Variants in PCDHA1 observed in about 807,000 individuals in gnomAD.
PCDHA1 encodes the protein protocadherin alpha-1.
Under a neutral mutation model 61.3 loss-of-function variants are expected in PCDHA1, and 42 were observed. The ratio of observed to expected loss-of-function variants is 0.69; its 90% CI spans 0.54 to 0.89. The LOEUF is 0.89. Ranked by LOEUF, PCDHA1 falls within the 40% of genes least tolerant of loss-of-function variation. PCDHA1 has a pLI of 0.00. For synonymous variants in PCDHA1, 610 were observed against 553.8 expected, an observed-to-expected ratio of 1.10 and a Z score of -1.43; for missense variants, 1,256 against 1,235.3, an observed-to-expected ratio of 1.02 and a Z score of -0.25.
chr5:140,895,647 C>T (rs954657912), intron 1 of PCDHA1, among the ~76,000 whole-genome samples: 1 of 151,996 alleles, frequency 6.6e-6, no homozygotes, highest in African/African-American at 2.4e-5. Context: ...TTTTTAGCTC[C>T]CACTTATAAG....
intron 1 of PCDHA1, among the ~76,000 whole-genome samples, chr5:140,917,553 T>C (rs1220066857): frequency 6.6e-6 from 1 of 152,258 alleles, no homozygotes; most frequent in African/African-American, 2.4e-5. Context: ...TACATTTAAC[T>C]CTTTAATCCA....
intron 1 of PCDHA1, among the ~76,000 whole-genome samples, chr5:140,935,292 G>A (rs782760921): frequency 3.0e-4 from 46 of 152,068 alleles, no homozygotes; most frequent in Non-Finnish European, 3.8e-4. Context: ...TCAGCACTCC[G>A]AGGTTTTTAC....
rs941007574 is a variant in PCDHA1, at chr5:141,010,090, C to T, written c.*153C>T. 1.9e-6 allele frequency: 3 copies of T among 1,612,518 alleles called. No individual in the cohort carries two copies. Among genetic ancestry groups the T allele is most frequent in the Non-Finnish European group, 2.5e-6 (3 of 1,179,284 alleles). ...AAGTTCCCTGTGTCTGTCTAGAACG[C>T]ATTTAACAGGTTTTGTCGTAAAAGC... is the stretch of plus-strand genomic sequence containing the variant. On this transcript the variant is annotated 3_prime_UTR_variant, in exon 4 of 4. Coordinates refer to ENST00000504120, the MANE Select transcript of PCDHA1 (RefSeq NM_018900.4).
chr5:141,000,412 TATATATATA>T (rs1297219533), intron 3 of PCDHA1, among the ~76,000 whole-genome samples: 3 of 102,772 alleles, frequency 2.9e-5, no homozygotes, highest in Admixed American at 1.2e-4. Flanking sequence ...TATATATATA[TATATATATA>T]TTTTTTTTTT....
intron 1 of PCDHA1, chr5:140,858,285 G>A (rs782182754): frequency 1.3e-6 from 2 of 1,597,520 alleles, no homozygotes; most frequent in Non-Finnish European, 8.6e-7. Flanking sequence ...GTGGGGAGCT[G>A]GTCTTACTCG....
intron 1 of PCDHA1, chr5:140,876,689 C>T: frequency 1.2e-6 from 2 of 1,614,228 alleles, no homozygotes; most frequent in Middle Eastern, 1.6e-4. Context: ...AATTACTACT[C>T]GTTGGTGCTG....
chr5:140,950,581 C>T (rs1158445917), intron 1 of PCDHA1, among the ~76,000 whole-genome samples: 2 of 151,860 alleles, frequency 1.3e-5, no homozygotes, highest in Non-Finnish European at 2.9e-5. Flanking sequence ...TTCTACTTAC[C>T]TTTGGTTTAG....
At chr5:140,884,006 C>A in intron 1 of PCDHA1, 1 of 1,613,022 alleles carries the variant, frequency 6.2e-7, no homozygotes, top group Non-Finnish European at 8.5e-7. Context: ...AGTGAGCGAG[C>A]TGATGCCGCG....
At chr5:140,835,933 T>C (rs1774056119) in intron 1 of PCDHA1, 1 of 1,612,410 alleles carries the variant, frequency 6.2e-7, no homozygotes, top group Non-Finnish European at 8.5e-7. Context: ...AGCGGCAAGG[T>C]GTACGCGCTG....
At position 140,822,901 on chromosome 5, in the gene PCDHA1, C is replaced by A. The variant is rs2150120199; in HGVS notation, c.2394+34217C>A. 3.1e-6 allele frequency: 5 copies of A among 1,614,234 alleles called. No homozygotes were observed. In the South Asian group the frequency reaches 3.3e-5, roughly 11 times the overall value. ...CATTGCTCTGATCAGCGTGTCTGAC[C>A]GTGACTCAGGTGCCAACGGGCAGGT... is the stretch of plus-strand genomic sequence containing the variant. On this transcript the variant is annotated intron_variant, in intron 1 of 3. Coordinates refer to ENST00000504120, the MANE Select transcript of PCDHA1 (RefSeq NM_018900.4).
intron 1 of PCDHA1, chr5:140,858,664 AATTT>A: frequency 1.4e-6 from 1 of 728,728 alleles, no homozygotes; most frequent in Non-Finnish European, 2.2e-6. Flanking sequence ...TTTAAATAAC[AATTT>A]ATTCTGAATA....
chr5:140,826,566 G>T (rs1423403318), intron 1 of PCDHA1, among the ~76,000 whole-genome samples: 4 of 152,130 alleles, frequency 2.6e-5, no homozygotes, highest in African/African-American at 9.7e-5. Flanking sequence ...TGAAGGAGGG[G>T]TTTAATCACT....
Position 140,787,004 on chromosome 5 carries a change from C to T in PCDHA1, c.714C>T (p.Asn238=), listed in dbSNP as rs782103349. The change falls in exon 1 of 4, where the codon AAC becomes AAT. Residue 238 remains asparagine, a synonymous_variant. Transcript: ENST00000504120. ...LLITVLDVND[N]APLFDQAVYR... is the part of the protein sequence containing the mutation. ...TCACCGTCCTCGACGTTAATGATAA[C>T]GCCCCACTGTTTGACCAGGCCGTAT... is the stretch of plus-strand genomic sequence containing the variant. 2.5e-6 allele frequency: 4 copies of T among 1,614,088 alleles called. No homozygotes were observed. The South Asian group carries it at 3.3e-5, about 13-fold the overall frequency.
At chr5:140,902,071 T>G (rs1288333473) in intron 1 of PCDHA1, among the ~76,000 whole-genome samples, 1 of 152,186 alleles carries the variant, frequency 6.6e-6, no homozygotes, top group African/African-American at 2.4e-5. Flanking sequence ...TTTACTGAAT[T>G]TATTGTTTTA....
At chr5:140,847,907 G>GT (rs1781241234) in intron 1 of PCDHA1, 1 of 149,326 alleles carries the variant, frequency 6.7e-6, no homozygotes, top group Non-Finnish European at 1.5e-5. Context: ...TAGATTTCTG[G>GT]GCTCCTATAT....
At chr5:140,906,057 C>A (rs558964545) in intron 1 of PCDHA1, among the ~76,000 whole-genome samples, 7 of 152,326 alleles carry the variant, frequency 4.6e-5, no homozygotes, top group Admixed American at 2.0e-4. Context: ...GCTGCACTGG[C>A]AGCTGATTAG....
At chr5:140,928,201 G>C in intron 1 of PCDHA1, 1 of 1,614,242 alleles carries the variant, frequency 6.2e-7, no homozygotes, top group Non-Finnish European at 8.5e-7. Context: ...GTCAGTTGCT[G>C]ATGTGAATGA....
At chr5:140,926,982 G>A (rs1554203886) in intron 1 of PCDHA1, 1 of 1,610,398 alleles carries the variant, frequency 6.2e-7, no homozygotes, top group East Asian at 2.2e-5. Flanking sequence ...CGGAGGAGAC[G>A]GAGCGGGGCG....
chr5:140,863,564 A>G (rs1426185409), intron 1 of PCDHA1: 3 of 374,440 alleles, frequency 8.0e-6, no homozygotes, highest in Non-Finnish European at 1.6e-5. Context: ...ATTTTTGAGA[A>G]TATAAGTACT....
Sources: gnomAD v4.1 joint callset for allele counts (sites outside exome capture counted in the v4.1 genomes callset) on GRCh38, gnomAD v4.1.1 for gene constraint, MANE v1.5 for transcripts, NCBI Gene and HGNC (gene_info 2026-07-23, HGNC 2026-07-21) for gene names.